Variants in FAM174A observed in about 807,000 individuals in gnomAD.
The protein encoded by FAM174A is family with sequence similarity 174 member A.
Under a neutral mutation model 14.3 loss-of-function variants are expected in FAM174A, and 14 were observed. That is an observed-to-expected ratio of 0.98 (90% CI 0.65 to 1.53). The LOEUF (loss-of-function observed/expected upper bound fraction) is 1.53. Among genes scored for constraint, FAM174A ranks in the 40% most tolerant of loss-of-function variants. The probability of loss-of-function intolerance (pLI) is 0.00; values close to 1 mark genes in which losing one functional copy is unlikely to be tolerated. For synonymous variants in FAM174A, 108 were observed against 111.4 expected (o/e 0.97, Z 0.19); for missense variants, 241 against 249.6 (o/e 0.97, Z 0.23).
chr5:100,575,217 C>T (rs9327193), intron 2 of FAM174A, among the ~76,000 whole-genome samples: 12,471 of 151,774 alleles, frequency 0.082, 797 homozygotes, highest in African/African-American at 0.17. Context: ...AATTGCAGTA[C>T]AGAATATAAT....
chr5:100,557,105 G>T (rs1391938059), intron 1 of FAM174A, among the ~76,000 whole-genome samples: 1 of 152,132 alleles, frequency 6.6e-6, no homozygotes, highest in Non-Finnish European at 1.5e-5. Context: ...TTATTATTTT[G>T]AGAAACGTCC....
intron 1 of FAM174A, among the ~76,000 whole-genome samples, chr5:100,536,444 A>G (rs1164164559): frequency 6.6e-6 from 1 of 152,232 alleles, no homozygotes; most frequent in African/African-American, 2.4e-5. Flanking sequence ...GGAAATCAAT[A>G]TATATTTGAG....
At chr5:100,557,603 C>T (rs1255671674) in intron 1 of FAM174A, among the ~76,000 whole-genome samples, 2 of 152,094 alleles carry the variant, frequency 1.3e-5, no homozygotes, top group East Asian at 3.9e-4. Context: ...TAATTATTGC[C>T]TCAATTTCAG....
At chr5:100,558,447 A>G (rs578243496) in intron 1 of FAM174A, among the ~76,000 whole-genome samples, 15 of 152,262 alleles carry the variant, frequency 9.9e-5, no homozygotes, top group Non-Finnish European at 2.1e-4. Context: ...GTAGATGTCT[A>G]TTAGGTCCGC....
chr5:100,563,543 T>G (rs1580372351), intron 2 of FAM174A, among the ~76,000 whole-genome samples: 1 of 151,870 alleles, frequency 6.6e-6, no homozygotes, highest in African/African-American at 2.4e-5. Flanking sequence ...TAAAATAATT[T>G]ATGGGACTTT....
chr5:100,559,033 C>G (rs956463157), intron 1 of FAM174A, among the ~76,000 whole-genome samples: 6 of 152,052 alleles, frequency 3.9e-5, no homozygotes, highest in Admixed American at 2.6e-4. Context: ...TTCCTAGCCT[C>G]GAGGGTCTTT....
At chr5:100,558,500 T>G (rs545695510) in intron 1 of FAM174A, among the ~76,000 whole-genome samples, 7 of 152,296 alleles carry the variant, frequency 4.6e-5, no homozygotes, top group African/African-American at 1.4e-4. Context: ...CCTTTTTAAC[T>G]TTCTGTCTGG....
chr5:100,581,630 C>G (rs141865280), intron 2 of FAM174A, among the ~76,000 whole-genome samples: 167 of 152,174 alleles, frequency 1.1e-3, no homozygotes, highest in Middle Eastern at 3.4e-3. Flanking sequence ...AAAAATAATT[C>G]CAATTGGGCA....
At chr5:100,565,026 C>G (rs1746611759) in intron 2 of FAM174A, among the ~76,000 whole-genome samples, 1 of 151,834 alleles carries the variant, frequency 6.6e-6, no homozygotes, top group African/African-American at 2.4e-5. Context: ...TTTTATGAGG[C>G]TAGTGTTATC....
chr5:100,573,410 A>G (rs1276826055), intron 2 of FAM174A, among the ~76,000 whole-genome samples: 1 of 152,004 alleles, frequency 6.6e-6, no homozygotes, highest in Non-Finnish European at 1.5e-5. Flanking sequence ...TCTTTAATCC[A>G]TCTTGAATTG....
intron 2 of FAM174A, among the ~76,000 whole-genome samples, chr5:100,575,845 C>A (rs528953996): frequency 5.1e-4 from 78 of 152,040 alleles, no homozygotes; most frequent in Admixed American, 1.5e-3. Flanking sequence ...CAAGAAAAAA[C>A]CAAACAACCC....
intron 1 of FAM174A, among the ~76,000 whole-genome samples, chr5:100,537,420 A>C (rs1286324981): frequency 6.6e-6 from 1 of 152,130 alleles, no homozygotes; most frequent in African/African-American, 2.4e-5. Flanking sequence ...TAATGTGTTT[A>C]CTATTATTTT....
chr5:100,558,064 T>C (rs1324855845), intron 1 of FAM174A, among the ~76,000 whole-genome samples: 1 of 152,230 alleles, frequency 6.6e-6, no homozygotes, highest in Admixed American at 6.5e-5. Context: ...TGCTTTCTCT[T>C]GTGGGCATTT....
At chr5:100,570,509 G>A (rs1746757852) in intron 2 of FAM174A, among the ~76,000 whole-genome samples, 1 of 151,954 alleles carries the variant, frequency 6.6e-6, no homozygotes, top group East Asian at 1.9e-4. Context: ...CAAGTAAATT[G>A]GAAGAAAAAG....
intron 1 of FAM174A, among the ~76,000 whole-genome samples, chr5:100,548,586 A>T (rs182901204): frequency 5.5e-4 from 83 of 152,136 alleles, no homozygotes; most frequent in Middle Eastern, 3.4e-3. Context: ...ATATTTTAAA[A>T]CTCAGACTCA....
At chr5:100,571,674 A>G (rs867440166) in intron 2 of FAM174A, among the ~76,000 whole-genome samples, 52 of 139,752 alleles carry the variant, frequency 3.7e-4, no homozygotes, top group Middle Eastern at 3.7e-3. Context: ...GTGTGTGTGT[A>G]TATATATATA....
Position 100,586,541 on chromosome 5 carries a change from G to A in FAM174A, c.*357G>A, listed in dbSNP as rs1747129290. 6.3e-6 allele frequency: 1 copy of A among 158,102 alleles called. No homozygotes were observed. Among genetic ancestry groups the A allele is most frequent in the African/African-American group, 2.4e-5 (1 of 41,712 alleles). The allele number at this position is 158,102 out of a possible 1,614,324, so 9.8% of individuals were successfully genotyped here. A position where few individuals can be genotyped will look rare whatever the true frequency, so the allele number is the denominator to read the frequency against. On this transcript the variant is annotated 3_prime_UTR_variant, in exon 3 of 3. Transcript: ENST00000312637. ...GTTAATGCTAATTATTTTTGCTGAT[G>A]TCATATGTTAAAGAGCTATAAATTC...
chr5:100,577,163 C>G (rs1306538241), intron 2 of FAM174A, among the ~76,000 whole-genome samples: 1 of 151,940 alleles, frequency 6.6e-6, no homozygotes, highest in Non-Finnish European at 1.5e-5. Context: ...ATCAAGATAT[C>G]ACAAGTACCT....
At chr5:100,561,877 G>T (rs1181331932) in intron 1 of FAM174A, among the ~76,000 whole-genome samples, 177 bp from the exon 2 acceptor site, 2 of 151,812 alleles carry the variant, frequency 1.3e-5, no homozygotes, top group African/African-American at 2.4e-5. Flanking sequence ...AAACATGTAG[G>T]AGTAGGTTTT....
Sources: allele counts gnomAD v4.1 joint callset (sites outside exome capture counted in the v4.1 genomes callset), GRCh38; gene constraint gnomAD v4.1.1; transcripts MANE v1.5; gene names NCBI Gene and HGNC (gene_info 2026-07-23, HGNC 2026-07-21).